The following CNTN4 variants were observed in gnomAD, a reference collection of about 807,000 sequenced individuals.
CNTN4 encodes contactin 4, also known as contactin-4.
Under a neutral mutation model 122.5 loss-of-function variants are expected in CNTN4, and 77 were observed. The observed-to-expected ratio is 0.63, with a 90% CI of 0.52 to 0.76. CNTN4 has a LOEUF of 0.76. Ranked by LOEUF, CNTN4 falls within the 30% of genes least tolerant of loss-of-function variation. The pLI, the probability that CNTN4 is intolerant of heterozygous loss-of-function variation, is 0.00. For missense variants in CNTN4, 1,256 were observed against 1,259.1 expected, an observed-to-expected ratio of 1.00 and a Z score of 0.04; for synonymous variants, 512 against 447.0, an observed-to-expected ratio of 1.15 and a Z score of -1.83.
chr3:2,317,188 C>T (rs1018823563), intron 2 of CNTN4, among the ~76,000 whole-genome samples: 42 of 152,172 alleles, frequency 2.8e-4, no homozygotes, highest in Non-Finnish European at 6.2e-4. Flanking sequence ...CAAGGATTAG[C>T]GTTGCCCGCT....
chr3:2,120,381 ATATATATATATATATATATATATATTTT>A (rs2033661148), intron 2 of CNTN4, among the ~76,000 whole-genome samples: 1 of 57,100 alleles, frequency 1.8e-5, no homozygotes, highest in African/African-American at 7.5e-5. Flanking sequence ...ATAAATATAT[ATATATATATATATATATATATATATTTT>A]TTTTTTTTTT....
chr3:2,625,583 T>C (rs2082152750), intron 4 of CNTN4, among the ~76,000 whole-genome samples: 2 of 152,202 alleles, frequency 1.3e-5, no homozygotes, highest in African/African-American at 4.8e-5. Context: ...TTTGAGTGAA[T>C]AGAGTTACGT....
At position 2,548,206 on chromosome 3, in the gene CNTN4, T is replaced by C. The variant is rs557237863; in HGVS notation, c.-88-23210T>C. Among the ~76,000 whole-genome samples, 4 of 152,340 alleles carry C rather than the reference T, an allele frequency of 2.6e-5. No homozygotes were observed. The South Asian group carries it at 8.3e-4, about 32-fold the overall frequency. ...AGATCCCATTTGTCTATTTTGGCTT[T>C]TGTTGCCATTGCTTTTGGTGTTTTA... On this transcript the variant is annotated intron_variant, in intron 3 of 24. Coordinates refer to ENST00000418658, the MANE Select transcript of CNTN4 (RefSeq NM_175607.3).
intron 2 of CNTN4, among the ~76,000 whole-genome samples, chr3:2,166,469 C>A (rs2036199808): frequency 1.3e-5 from 2 of 152,158 alleles, no homozygotes; most frequent in African/African-American, 4.8e-5. Flanking sequence ...TTAATAAGTT[C>A]TCCAAGTCAC....
rs184187306 is a variant in CNTN4 at position 2,873,966 on chromosome 3, T to C, written c.652+7017T>C. On this transcript the variant is annotated intron_variant, in intron 8 of 24. Transcript: ENST00000418658. ...TGTCACAGCAATCATGTCTTGATTT[T>C]AATTCTCTGACAACATCGCAGTTGA... is the stretch of plus-strand genomic sequence containing the variant. 2.6e-5 allele frequency among the ~76,000 whole-genome samples: 4 copies of C among 152,364 alleles called. No homozygotes were observed. In the East Asian group the frequency reaches 7.7e-4, roughly 29 times the overall value.
intron 3 of CNTN4, among the ~76,000 whole-genome samples, chr3:2,402,008 A>G (rs1456341475): frequency 6.6e-6 from 1 of 152,128 alleles, no homozygotes; most frequent in Non-Finnish European, 1.5e-5. Flanking sequence ...ACTGTAGTCT[A>G]ATAAAACAGA....
At chr3:2,778,154 T>C (rs6763857) in intron 6 of CNTN4, among the ~76,000 whole-genome samples, 5,516 of 105,722 alleles carry the variant, frequency 0.052, 555 homozygotes, top group African/African-American at 0.07. Context: ...GCGGAGCTTG[T>C]GGTGAGCCGA....
At chr3:2,682,877 A>G (rs1419165610) in intron 4 of CNTN4, among the ~76,000 whole-genome samples, 1 of 152,118 alleles carries the variant, frequency 6.6e-6, no homozygotes, top group Non-Finnish European at 1.5e-5. Flanking sequence ...GCCTTTAGCA[A>G]CAACAAATTT....
chr3:2,359,272 G>C (rs1262073691), intron 3 of CNTN4, among the ~76,000 whole-genome samples: 1 of 151,712 alleles, frequency 6.6e-6, no homozygotes, highest in African/African-American at 2.4e-5. Flanking sequence ...TTTCTGATTG[G>C]AGAGAACCGC....
chr3:2,567,749 T>C (rs140209202), intron 3 of CNTN4, among the ~76,000 whole-genome samples: 2,297 of 152,308 alleles, frequency 0.015, 29 homozygotes, highest in Non-Finnish European at 0.023. Context: ...CTTGCCAGTT[T>C]GTTTTCCTTG....
intron 7 of CNTN4, among the ~76,000 whole-genome samples, chr3:2,857,565 C>A (rs1457063305): frequency 6.6e-6 from 1 of 152,124 alleles, no homozygotes. Context: ...ACTGAACAGA[C>A]TGGGCCATCT....
At chr3:2,311,194 C>T (rs2042901189) in intron 2 of CNTN4, among the ~76,000 whole-genome samples, 1 of 152,048 alleles carries the variant, frequency 6.6e-6, no homozygotes, top group African/African-American at 2.4e-5. Flanking sequence ...TTCAACCTGT[C>T]CTGCCTAGCA....
intron 7 of CNTN4, among the ~76,000 whole-genome samples, chr3:2,853,943 A>G (rs2093588705): frequency 6.6e-6 from 1 of 152,184 alleles, no homozygotes. Context: ...TTGACGAAGC[A>G]TTGCTAAGAA....
intron 6 of CNTN4, among the ~76,000 whole-genome samples, chr3:2,816,371 T>A (rs1007330360): frequency 1.3e-4 from 19 of 150,168 alleles, no homozygotes; most frequent in Admixed American, 1.0e-3. Context: ...ATAAAAAAAA[T>A]AAATAAATAA....
intron 7 of CNTN4, among the ~76,000 whole-genome samples, chr3:2,832,070 TCTC>T (rs1163369681): frequency 6.6e-6 from 1 of 152,200 alleles, no homozygotes; most frequent in African/African-American, 2.4e-5. Context: ...TGTACCTTCT[TCTC>T]TTGCTACCCT....
chr3:2,159,044 T>C (rs2035843106), intron 2 of CNTN4, among the ~76,000 whole-genome samples: 1 of 148,162 alleles, frequency 6.7e-6, no homozygotes, highest in South Asian at 2.2e-4. Flanking sequence ...AGGCAGCGAG[T>C]GGGAGAAAAT....
chr3:2,261,438 T>A (rs1164162077), intron 2 of CNTN4, among the ~76,000 whole-genome samples: 1 of 152,204 alleles, frequency 6.6e-6, no homozygotes, highest in African/African-American at 2.4e-5. Flanking sequence ...ATATAAGATT[T>A]TATTAAATAA....
In CNTN4 at chr3:2,900,609, C is replaced by T. The variant is rs2094162862; in HGVS notation, c.941-76C>T. 4.6e-6 allele frequency: 7 copies of T among 1,508,560 alleles called. No homozygotes were observed. The Admixed American group carries it at 5.0e-5, about 11-fold the overall frequency. 93.4% of individuals were successfully genotyped at this position (1,508,560 alleles called of 1,614,324 possible). ...ATTTTATTATAAGTGTACTTTTGCC[C>T]TTTGATTGAATATGATAAAAATAGA... On this transcript the variant is annotated intron_variant, in intron 10 of 24. Coordinates refer to ENST00000418658, the MANE Select transcript of CNTN4 (RefSeq NM_175607.3).
chr3:2,361,654 G>T (rs1254486110), intron 3 of CNTN4, among the ~76,000 whole-genome samples: 1 of 152,142 alleles, frequency 6.6e-6, no homozygotes, highest in East Asian at 1.9e-4. Flanking sequence ...GAAATTACAT[G>T]TTCTGCTGCT....
Sources: gnomAD v4.1 joint callset for allele counts (sites outside exome capture counted in the v4.1 genomes callset) on GRCh38, gnomAD v4.1.1 for gene constraint, MANE v1.5 for transcripts, NCBI Gene and HGNC (gene_info 2026-07-23, HGNC 2026-07-21) for gene names.